ENAM: variants seen among roughly 807,000 people sequenced by gnomAD.
The protein encoded by ENAM is enamelin, also known as amelogenesis imperfecta 2, hypocalcification (autosomal dominant).
Under a neutral mutation model 33.6 loss-of-function variants are expected in ENAM, and 21 were observed. The ratio of observed to expected loss-of-function variants is 0.63; its 90% confidence interval spans 0.44 to 0.90. The LOEUF is 0.90. Among genes scored for constraint, ENAM ranks in the 40% least tolerant of loss-of-function variants. The probability of loss-of-function intolerance (pLI) is 0.00; values close to 1 mark genes in which losing one functional copy is unlikely to be tolerated. For missense variants in ENAM, 1,388 were observed against 1,366.9 expected (o/e 1.02, Z -0.24); for synonymous variants, 473 against 468.4 (o/e 1.01, Z -0.13).
Position 70,634,319 on chromosome 4 carries a change from G to C in ENAM, c.222G>C (p.Leu74=), listed in dbSNP as rs752058237. The C allele has an allele frequency of 5.0e-6, 8 of 1,613,810 alleles. No homozygotes were observed. The highest frequency in any genetic ancestry group is 5.9e-6 in the Non-Finnish European group (7 of 1,179,882). The change falls in exon 6 of 9, where the codon CTG becomes CTC. Residue 74 remains leucine, a synonymous_variant. Transcript: ENST00000396073. The part of the protein sequence containing the change: ...NFMNGPHMAH[L]GPFFGNGLPQ... ...TGCTACCCTTTCAGATGGCACACCT[G>C]GGGCCCTTCTTTGGAAACGGTCTCC...
chr4:70,632,761 C>A lies in ENAM; in HGVS notation c.210+69C>A, dbSNP rs865879853. ...TAGATAACTCCGTTATAAAGTTTGC[C>A]TTAGTCAATAGAGACACCAATCCAC... On this transcript the variant is annotated intron_variant, in intron 5 of 8. Coordinates refer to ENST00000396073, the MANE Select transcript of ENAM (RefSeq NM_031889.3). 5.3e-5 allele frequency: 58 copies of A among 1,095,302 alleles called. 1 individual carries two copies. The Middle Eastern group carries it at 8.2e-4, about 15-fold the overall frequency. 67.8% of individuals were successfully genotyped at this position (1,095,302 alleles called of 1,614,324 possible).
Position 70,646,556 on chromosome 4 carries a change from T to G in ENAM, c.*1701T>G, listed in dbSNP as rs1738767535. On this transcript the variant is annotated 3_prime_UTR_variant, in exon 9 of 9. Transcript: ENST00000396073. ...CAACACTCCCATGAAAACACCGTAG[T>G]CTGCTTTTCCTGAAAGGTGACTGTC... 6.6e-6 allele frequency: 1 copy of G among 152,182 alleles called. No homozygotes were observed. Among genetic ancestry groups the G allele is most frequent in the South Asian group, 2.1e-4 (1 of 4,828 alleles). 9.4% of individuals were successfully genotyped at this position (152,182 alleles called of 1,614,324 possible).
At position 70,631,882 on chromosome 4, in the gene ENAM, A is replaced by T. The variant is rs121908109; in HGVS notation, c.157A>T (p.Lys53Ter). ...HMPRMPGFSS[K>*]SEEMMRYNQF... Reference sequence around the variant, plus strand: ...GCCCCGAATGCCTGGATTTAGCAGTAAAAGTGAGGAGGTATGTACGTTCAG... The same window carrying T: ...GCCCCGAATGCCTGGATTTAGCAGTTAAAGTGAGGAGGTATGTACGTTCAG... Residue 53 changes from lysine (K) to a stop codon, truncating the protein, a stop_gained, in exon 4 of 9, where the codon AAA becomes TAA. Transcript: ENST00000396073. LOFTEE classifies it high-confidence loss of function. The T allele has an allele frequency of 4.3e-6, 7 of 1,613,888 alleles. No homozygotes were observed. Among genetic ancestry groups the T allele is most frequent in the Non-Finnish European group, 4.2e-6 (5 of 1,179,748 alleles).
intron 8 of ENAM, among the ~76,000 whole-genome samples, chr4:70,639,449 G>A (rs1460064572): frequency 6.6e-6 from 1 of 152,014 alleles, no homozygotes; most frequent in African/African-American, 2.4e-5. Context: ...AATTAGCCGG[G>A]TATGGTGGTG....
At position 70,644,291 on chromosome 4, in the gene ENAM, C is replaced by A. The variant is rs1319130649; in HGVS notation, c.2865C>A (p.Asn955Lys). ...ATGATGTGTCCACGCTGAGGAGGAACACACCATGTTCTATAAAGAATCAAC... is the reference window on the plus strand; with the variant it reads ...ATGATGTGTCCACGCTGAGGAGGAAAACACCATGTTCTATAAAGAATCAAC... ...FRDDVSTLRR[N>K]TPCSIKNQLG... The change falls in exon 9 of 9, where the codon AAC (asparagine) becomes AAA (lysine). Residue 955 changes from asparagine to lysine, a missense_variant. Physicochemically the swap from Asn to Lys is moderately conservative, Grantham distance 94. Coordinates refer to ENST00000396073, the MANE Select transcript of ENAM (RefSeq NM_031889.3). 1 of 1,614,194 alleles carries A rather than the reference C, an allele frequency of 6.2e-7. No homozygotes were observed. The highest frequency in any genetic ancestry group is 8.5e-7 in the Non-Finnish European group (1 of 1,180,014).
chr4:70,636,543 C>T (rs879857677), intron 7 of ENAM, among the ~76,000 whole-genome samples: 15 of 151,930 alleles, frequency 9.9e-5, no homozygotes, highest in African/African-American at 3.1e-4. Context: ...CCGAGGCAGG[C>T]GGATCACCTG....
At position 70,634,417 on chromosome 4, in the gene ENAM, C is replaced by T. The variant is rs755717210; in HGVS notation, c.320C>T (p.Ser107Phe). Residue 107 changes from serine to phenylalanine, a missense_variant, in exon 6 of 9, where the codon TCC (serine) becomes TTC (phenylalanine). Transcript: ENST00000396073. ...PPPNTWHPRK[S>F]SAPKRHNKTD... ...CCCAACACATGGCATCCACGGAAAT[C>T]CTCAGCACCCAAACGTCATAACAAG... 3 of 1,614,154 alleles carry T rather than the reference C, an allele frequency of 1.9e-6. No individual in the cohort carries two copies. Among genetic ancestry groups the T allele is most frequent in the Non-Finnish European group, 2.5e-6 (3 of 1,180,030 alleles).
intron 8 of ENAM, among the ~76,000 whole-genome samples, chr4:70,641,550 C>T (rs940632432): frequency 1.3e-5 from 2 of 151,622 alleles, no homozygotes; most frequent in Non-Finnish European, 2.9e-5. Flanking sequence ...CCACCATGCC[C>T]AGCTAATTTT....
chr4:70,630,845 G>A (rs1299974720), intron 2 of ENAM, among the ~76,000 whole-genome samples: 1 of 151,664 alleles, frequency 6.6e-6, no homozygotes, highest in Non-Finnish European at 1.5e-5. Context: ...GGGTTCAAGC[G>A]ATTCTCCTGC....
intron 8 of ENAM, among the ~76,000 whole-genome samples, chr4:70,641,270 T>C (rs1560403376): frequency 6.6e-6 from 1 of 152,162 alleles, no homozygotes; most frequent in Non-Finnish European, 1.5e-5. Flanking sequence ...GTGAGAGTGT[T>C]GTGGGTTAGA....
intron 8 of ENAM, among the ~76,000 whole-genome samples, chr4:70,638,195 C>G (rs1409101588): frequency 6.6e-6 from 1 of 151,998 alleles, no homozygotes; most frequent in African/African-American, 2.4e-5. Flanking sequence ...TAAACTGAAC[C>G]CAGAACCCAA....
Position 70,644,877 on chromosome 4 carries a change from T to C in ENAM, c.*22T>C. The C allele has an allele frequency of 6.2e-7, 1 of 1,603,406 alleles. No individual in the cohort carries two copies. The highest frequency in any genetic ancestry group is 8.5e-7 in the Non-Finnish European group (1 of 1,170,458). ...CTAGGGGTTATCCAACCAAGCATTC[T>C]TGGGGAAAGAGAAATCACTGACATT... On this transcript the variant is annotated 3_prime_UTR_variant, in exon 9 of 9. Transcript: ENST00000396073.
chr4:70,645,233 A>T lies in ENAM; in HGVS notation c.*378A>T. 1 of 286,766 alleles carries T rather than the reference A, an allele frequency of 3.5e-6. No homozygotes were observed. The highest frequency in any genetic ancestry group is 4.7e-5 in the Admixed American group (1 of 21,368). The allele number at this position is 286,766 out of a possible 1,614,324, so 17.8% of individuals were successfully genotyped here. On this transcript the variant is annotated 3_prime_UTR_variant, in exon 9 of 9. Coordinates refer to ENST00000396073, the MANE Select transcript of ENAM (RefSeq NM_031889.3). ...GAAAGGCAGATTAACTTTCCATTCTACTTATGGAGATCCACACATCAGTAT... is the reference window on the plus strand; with the variant it reads ...GAAAGGCAGATTAACTTTCCATTCTTCTTATGGAGATCCACACATCAGTAT...
intron 2 of ENAM, among the ~76,000 whole-genome samples, chr4:70,630,796 C>T (rs1313001588): frequency 6.6e-6 from 1 of 151,030 alleles, no homozygotes; most frequent in African/African-American, 2.4e-5. Context: ...GGCTGGAGTG[C>T]AATGGCACGA....
Position 70,644,562 on chromosome 4 carries a change from C to G in ENAM, c.3136C>G (p.Gln1046Glu). ...QVQENESERQQQRPSNILHLP... is the reference protein window; with the variant it reads ...QVQENESERQEQRPSNILHLP... ...CCAAGAAAATGAGAGTGAGAGGCAA[C>G]AGCAAAGACCATCTAACATTCTGCA... is the stretch of plus-strand genomic sequence containing the variant. Residue 1046 changes from glutamine to glutamate, a missense_variant, in exon 9 of 9, where the codon CAG (glutamine) becomes GAG (glutamate). Physicochemically the swap from Gln to Glu is conservative, Grantham distance 29. Transcript: ENST00000396073. The G allele has an allele frequency of 6.2e-7, 1 of 1,613,554 alleles. No homozygotes were observed. Among genetic ancestry groups the G allele is most frequent in the Non-Finnish European group, 8.5e-7 (1 of 1,179,600 alleles).
chr4:70,642,255 C>G lies in ENAM; in HGVS notation c.829C>G (p.Leu277Val), dbSNP rs779882843. 2 of 1,614,110 alleles carry G rather than the reference C, an allele frequency of 1.2e-6. No individual in the cohort carries two copies. Among genetic ancestry groups the G allele is most frequent in the South Asian group, 2.2e-5 (2 of 91,074 alleles). Residue 277 changes from leucine to valine, a missense_variant, in exon 9 of 9, where the codon CTA becomes GTA. Transcript: ENST00000396073. Reference protein sequence around the residue: ...TSPTGNSTPGLNTGNNPPAQN... With the variant: ...TSPTGNSTPGVNTGNNPPAQN... The stretch of plus-strand genomic sequence containing the variant: ...CCCCACAGGAAACAGTACCCCAGGA[C>G]TAAACACTGGGAACAACCCTCCAGC...
At position 70,631,709 on chromosome 4, in the gene ENAM, G is replaced by T; in HGVS notation, c.94G>T (p.Gly32Trp). Residue 32 changes from glycine (G) to tryptophan (W), a missense_variant, in exon 3 of 9, where the codon GGG (glycine) becomes TGG (tryptophan). Coordinates refer to ENST00000396073, the MANE Select transcript of ENAM (RefSeq NM_031889.3). ...GKMKILLVFLGLLGNSVAMPM... is the reference protein window; with the variant it reads ...GKMKILLVFLWLLGNSVAMPM... ...AATGAAGATTCTCCTGGTCTTTCTA[G>T]GGCTTCTTGGTAATTCTGTTGCTAT... 6.2e-7 allele frequency: 1 copy of T among 1,613,652 alleles called. No homozygotes were observed. The highest frequency in any genetic ancestry group is 8.5e-7 in the Non-Finnish European group (1 of 1,179,574).
chr4:70,641,434 C>A (rs966638668), intron 8 of ENAM, among the ~76,000 whole-genome samples: 1 of 147,632 alleles, frequency 6.8e-6, no homozygotes, highest in Non-Finnish European at 1.5e-5. Context: ...TGTTGCCAGG[C>A]TGGAATGCAG....
chr4:70,629,094 C>T (rs1738245112), intron 1 of ENAM, 130 bp downstream of exon 1: 1 of 204,778 alleles, frequency 4.9e-6, no homozygotes, highest in East Asian at 1.2e-4. Context: ...GCAGACTAAT[C>T]TTCTGATAAA....
Sources: allele counts gnomAD v4.1 joint callset (sites outside exome capture counted in the v4.1 genomes callset), GRCh38; gene constraint gnomAD v4.1.1; transcripts MANE v1.5; gene names NCBI Gene and HGNC (gene_info 2026-07-23, HGNC 2026-07-21).